PTPN5: variants seen among roughly 807,000 people sequenced by gnomAD.
PTPN5 encodes the protein protein tyrosine phosphatase non-receptor type 5.
A neutral mutation model predicts 73.9 loss-of-function variants in PTPN5; 29 were observed. The ratio of observed to expected loss-of-function variants is 0.39; its 90% CI spans 0.29 to 0.54. PTPN5 has a LOEUF of 0.54. Ranked by LOEUF, PTPN5 falls within the 20% of genes least tolerant of loss-of-function variation. PTPN5 has a pLI of 0.65. For missense variants in PTPN5, 652 were observed against 751.4 expected (o/e 0.87, Z 1.55); for synonymous variants, 267 against 304.7 (o/e 0.88, Z 1.29).
At chr11:18,778,014 G>GGAAGGAAGGAAC (rs1851249668) in intron 1 of PTPN5, among the ~76,000 whole-genome samples, 1 of 151,260 alleles carries the variant, frequency 6.6e-6, no homozygotes. Context: ...AAGGAAGGAA[G>GGAAGGAAGGAAC]GAAGGAAGGA....
At chr11:18,749,529 C>G in intron 3 of PTPN5, 2 of 518,490 alleles carry the variant, frequency 3.9e-6, no homozygotes. Flanking sequence ...GCATGGGGGC[C>G]ACGGTGCAGA....
chr11:18,771,967 T>G lies in PTPN5; in HGVS notation c.-9A>C. On this transcript the variant is annotated 5_prime_UTR_variant, in exon 2 of 15. Coordinates refer to ENST00000358540, the MANE Select transcript of PTPN5 (RefSeq NM_006906.2). ...GCTCCCTCATAATTCATTCCCAAGG[T>G]GTCTGGATGGGGAAGGGTGCCATCT... 1 of 1,571,582 alleles carries G rather than the reference T, an allele frequency of 6.4e-7. No individual in the cohort carries two copies. The highest frequency in any genetic ancestry group is 2.4e-5 in the East Asian group (1 of 42,414).
At chr11:18,788,255 C>G (rs1851758873) in intron 1 of PTPN5, among the ~76,000 whole-genome samples, 1 of 152,174 alleles carries the variant, frequency 6.6e-6, no homozygotes, top group Admixed American at 6.5e-5. Context: ...GGGCTTCTGG[C>G]CAGCAGGCTC....
At chr11:18,784,755 C>T (rs1214942875) in intron 1 of PTPN5, among the ~76,000 whole-genome samples, 2 of 152,114 alleles carry the variant, frequency 1.3e-5, no homozygotes, top group African/African-American at 4.8e-5. Flanking sequence ...CTGCATGTCC[C>T]TCTGCCACCC....
At chr11:18,746,195 A>ATATATTTTT (rs377606416) in intron 3 of PTPN5, among the ~76,000 whole-genome samples, 1 of 114,016 alleles carries the variant, frequency 8.8e-6, no homozygotes, top group South Asian at 2.7e-4. Flanking sequence ...ATATATATAC[A>ATATATTTTT]TTTTTTTTTT....
intron 3 of PTPN5, among the ~76,000 whole-genome samples, chr11:18,759,533 A>T (rs1365538985): frequency 6.6e-6 from 1 of 152,204 alleles, no homozygotes; most frequent in African/African-American, 2.4e-5. Flanking sequence ...CTGGGATGGT[A>T]CTTCTTTTCT....
In PTPN5 at chr11:18,729,898, T is replaced by C; in HGVS notation, c.1330-80A>G. The stretch of plus-strand genomic sequence containing the variant: ...AACCAGCCCAGAGATAGAGATGAGA[T>C]GGAAGGAGGAAGAACACAGGAAGAA... On this transcript the variant is annotated intron_variant, in intron 12 of 14. Transcript: ENST00000358540. The surrounding 1 kb of genome is among the most constrained non-coding windows in gnomAD (Gnocchi z 5.2). 1 of 1,553,576 alleles carries C rather than the reference T, an allele frequency of 6.4e-7. No individual in the cohort carries two copies.
intron 7 of PTPN5, among the ~76,000 whole-genome samples, chr11:18,741,261 T>A (rs1243260860): frequency 6.6e-6 from 1 of 151,994 alleles, no homozygotes; most frequent in Non-Finnish European, 1.5e-5. Context: ...TGCTGGTGAG[T>A]CAAGGACATA....
intron 4 of PTPN5, 138 bp from the exon 5 acceptor site, chr11:18,743,567 G>T: frequency 1.3e-6 from 1 of 754,878 alleles, no homozygotes. Context: ...GCAGCTGAGA[G>T]CAGGGCCCCG....
intron 8 of PTPN5, 86 bp from the exon 9 acceptor site, chr11:18,738,050 C>A: frequency 1.8e-6 from 2 of 1,107,768 alleles, no homozygotes; most frequent in South Asian, 2.5e-5. Context: ...CAACTCCTAG[C>A]CCAGGGGCTG....
At chr11:18,754,963 C>A (rs552591861) in intron 3 of PTPN5, among the ~76,000 whole-genome samples, 2 of 152,168 alleles carry the variant, frequency 1.3e-5, no homozygotes, top group African/African-American at 2.4e-5. Context: ...GTCCCTCCTA[C>A]GTGGTACCAG....
chr11:18,759,658 G>A (rs1040496530), intron 3 of PTPN5, among the ~76,000 whole-genome samples: 1 of 152,258 alleles, frequency 6.6e-6, no homozygotes, highest in Middle Eastern at 3.4e-3. Context: ...AAAACTCATC[G>A]TACCATCAAT....
In PTPN5 at chr11:18,744,142, G is replaced by C; in HGVS notation, c.155C>G (p.Ser52Ter). 1 of 1,606,102 alleles carries C rather than the reference G, an allele frequency of 6.2e-7. No individual in the cohort carries two copies. Among genetic ancestry groups the C allele is most frequent in the Non-Finnish European group, 8.5e-7 (1 of 1,176,896 alleles). The change falls in exon 4 of 15, where the codon TCA (serine) becomes TGA (stop). Residue 52 changes from serine (S) to a stop codon, truncating the protein, a stop_gained. Transcript: ENST00000358540. LOFTEE classifies it high-confidence loss of function. ...ALDEAEGLQDSQREMPPPPPP... is the reference protein window; with the variant it reads ...ALDEAEGLQD ...AGGGGGTGGCGGCATCTCTCTCTGT[G>C]AGTCCTGGAGCCCTTCAGCCTCGTC...
intron 1 of PTPN5, among the ~76,000 whole-genome samples, chr11:18,779,250 T>A (rs963933393): frequency 1.3e-5 from 2 of 152,082 alleles, no homozygotes; most frequent in African/African-American, 4.8e-5. Context: ...TCTTGGCATC[T>A]TCAGGTTTGG....
intron 3 of PTPN5, among the ~76,000 whole-genome samples, chr11:18,757,601 G>C (rs1343642839): frequency 6.9e-6 from 1 of 144,388 alleles, no homozygotes; most frequent in Non-Finnish European, 1.6e-5. Flanking sequence ...TGTATTCCTA[G>C]AACTGGCTAA....
At chr11:18,749,494 G>GCGGGGGGGGGC (rs1849789458) in intron 3 of PTPN5, 5 of 510,716 alleles carry the variant, frequency 9.8e-6, no homozygotes, top group South Asian at 2.8e-5. Context: ...AGGGTGGGGG[G>GCGGGGGGGGGC]CAGAACCTTG....
chr11:18,729,827 G>A lies in PTPN5; in HGVS notation c.1330-9C>T, dbSNP rs776438441. Reference sequence around the variant, plus strand: ...CGCTCCTCAGTCCCACTCTGTCGAGGAGACAGAGGCCCACCCCAGGTATGT... The same window carrying A: ...CGCTCCTCAGTCCCACTCTGTCGAGAAGACAGAGGCCCACCCCAGGTATGT... On this transcript the variant is annotated splice_polypyrimidine_tract_variant and intron_variant, in intron 12 of 14. Coordinates refer to ENST00000358540, the MANE Select transcript of PTPN5 (RefSeq NM_006906.2). The surrounding 1 kb of genome is among the most constrained non-coding windows in gnomAD (Gnocchi z 5.2). 1.2e-6 allele frequency: 2 copies of A among 1,614,102 alleles called. No homozygotes were observed. Among genetic ancestry groups the A allele is most frequent in the Non-Finnish European group, 1.7e-6 (2 of 1,179,988 alleles).
intron 1 of PTPN5, among the ~76,000 whole-genome samples, chr11:18,782,126 G>C (rs1157561060): frequency 2.6e-5 from 4 of 152,230 alleles, no homozygotes; most frequent in Non-Finnish European, 5.9e-5. Flanking sequence ...TTCTCAGGGG[G>C]ACAGAGGCAG....
At chr11:18,756,920 T>TAAAAAA (rs1564910476) in intron 3 of PTPN5, among the ~76,000 whole-genome samples, 1 of 110,152 alleles carries the variant, frequency 9.1e-6, no homozygotes, top group Non-Finnish European at 1.8e-5. Context: ...CAAGACTCCA[T>TAAAAAA]CAAAAAAAAA....
Sources: gnomAD v4.1 joint callset for allele counts (sites outside exome capture counted in the v4.1 genomes callset) on GRCh38, gnomAD v4.1.1 for gene constraint, Gnocchi (gnomAD v3.1) non-coding constraint, MANE v1.5 for transcripts, NCBI Gene and HGNC (gene_info 2026-07-23, HGNC 2026-07-21) for gene names.